The following SAMD4A variants were observed in gnomAD, a reference collection of about 807,000 sequenced individuals.
SAMD4A encodes the protein sterile alpha motif domain containing 4A.
Under a neutral mutation model 81.3 loss-of-function variants are expected in SAMD4A, and 33 were observed. The ratio of observed to expected loss-of-function variants is 0.41; its 90% CI spans 0.31 to 0.54. SAMD4A has a LOEUF of 0.54. Ranked by LOEUF, SAMD4A falls within the 20% of genes least tolerant of loss-of-function variation. SAMD4A has a pLI of 0.37. For missense variants in SAMD4A, 854 were observed against 951.1 expected (o/e 0.90, Z 1.34); for synonymous variants, 389 against 382.1 (o/e 1.02, Z -0.21).
intron 2 of SAMD4A, among the ~76,000 whole-genome samples, chr14:54,581,678 T>C (rs1384959850): frequency 6.6e-6 from 1 of 152,240 alleles, no homozygotes; most frequent in African/African-American, 2.4e-5. Flanking sequence ...GTATGAGTGG[T>C]CATGCAGCCA....
chr14:54,778,203 C>CA (rs1356374239), intron 11 of SAMD4A, among the ~76,000 whole-genome samples: 2 of 152,216 alleles, frequency 1.3e-5, no homozygotes, highest in African/African-American at 4.8e-5. Context: ...TCTCAGCCTT[C>CA]CTCTTTGTTC....
intron 2 of SAMD4A, among the ~76,000 whole-genome samples, chr14:54,691,752 C>T (rs367744592): frequency 1.3e-5 from 2 of 152,114 alleles, no homozygotes; most frequent in Admixed American, 6.5e-5. Context: ...GCTCCCTCTA[C>T]AGGGCTGTGC....
chr14:54,610,241 A>G (rs2034318292), intron 2 of SAMD4A, among the ~76,000 whole-genome samples: 1 of 152,184 alleles, frequency 6.6e-6, no homozygotes, highest in African/African-American at 2.4e-5. Flanking sequence ...TTAGAATGAA[A>G]CTAAAATGCG....
At chr14:54,619,764 G>C (rs530805152) in intron 2 of SAMD4A, among the ~76,000 whole-genome samples, 1 of 152,054 alleles carries the variant, frequency 6.6e-6, no homozygotes. Flanking sequence ...TCCTGCTTTC[G>C]TTTGCTAAGG....
chr14:54,740,550 C>T (rs2037820338), intron 4 of SAMD4A, among the ~76,000 whole-genome samples: 1 of 152,216 alleles, frequency 6.6e-6, no homozygotes, highest in Non-Finnish European at 1.5e-5. Flanking sequence ...GTGAATATCT[C>T]TCTGAAACAC....
intron 6 of SAMD4A, among the ~76,000 whole-genome samples, chr14:54,752,912 C>T (rs1190034768): frequency 6.6e-6 from 1 of 152,216 alleles, no homozygotes; most frequent in East Asian, 1.9e-4. Flanking sequence ...TATGACTGGA[C>T]GTACACGTAA....
intron 2 of SAMD4A, among the ~76,000 whole-genome samples, chr14:54,695,561 C>T (rs144088090): frequency 1.3e-5 from 2 of 152,350 alleles, no homozygotes; most frequent in East Asian, 3.9e-4. Flanking sequence ...CATAGACCAG[C>T]TCTCATTCAG....
At chr14:54,749,761 T>A (rs1339833795) in intron 5 of SAMD4A, among the ~76,000 whole-genome samples, 1 of 152,260 alleles carries the variant, frequency 6.6e-6, no homozygotes, top group African/African-American at 2.4e-5. Context: ...TGTTTCACAT[T>A]GGCCTCAGTT....
intron 2 of SAMD4A, among the ~76,000 whole-genome samples, chr14:54,618,837 T>C (rs1232098291): frequency 2.0e-5 from 3 of 152,214 alleles, no homozygotes; most frequent in African/African-American, 4.8e-5. Flanking sequence ...CTCAAAGATA[T>C]CTTGGGCAGG....
intron 4 of SAMD4A, among the ~76,000 whole-genome samples, chr14:54,740,523 C>T (rs2037819761): frequency 6.6e-6 from 1 of 152,230 alleles, no homozygotes; most frequent in African/African-American, 2.4e-5. Flanking sequence ...GTGAATTCCT[C>T]TTTATGGCCA....
intron 2 of SAMD4A, among the ~76,000 whole-genome samples, chr14:54,628,897 C>A (rs936630129): frequency 6.6e-6 from 1 of 152,004 alleles, no homozygotes; most frequent in African/African-American, 2.4e-5. Flanking sequence ...GTTCAAGGAA[C>A]CTTAACTGTA....
intron 3 of SAMD4A, among the ~76,000 whole-genome samples, chr14:54,733,683 T>A (rs2037616175): frequency 6.6e-6 from 1 of 152,216 alleles, no homozygotes; most frequent in Admixed American, 6.5e-5. Context: ...GAGGTCTGAA[T>A]GAACCGTTAG....
intron 3 of SAMD4A, among the ~76,000 whole-genome samples, chr14:54,736,540 G>C (rs1276992293): frequency 6.6e-6 from 1 of 152,210 alleles, no homozygotes; most frequent in East Asian, 1.9e-4. Flanking sequence ...GTTCAGCCCT[G>C]CAAAGATCCC....
chr14:54,767,139 G>A (rs761934577), intron 8 of SAMD4A, among the ~76,000 whole-genome samples: 1 of 152,148 alleles, frequency 6.6e-6, no homozygotes, highest in Admixed American at 6.5e-5. Flanking sequence ...TTTACTTTGA[G>A]AGAGAGGAAA....
intron 4 of SAMD4A, among the ~76,000 whole-genome samples, chr14:54,743,862 G>C (rs541297384): frequency 3.7e-4 from 56 of 152,316 alleles, no homozygotes; most frequent in Non-Finnish European, 5.6e-4. Flanking sequence ...TGGGCTGCTT[G>C]TTCTGCTCTG....
intron 2 of SAMD4A, among the ~76,000 whole-genome samples, chr14:54,657,460 T>C (rs931449586): frequency 6.6e-6 from 1 of 152,214 alleles, no homozygotes; most frequent in Non-Finnish European, 1.5e-5. Flanking sequence ...ATTTTTTTTG[T>C]TCATCGCCAG....
chr14:54,591,452 T>G (rs1053248719), intron 2 of SAMD4A, among the ~76,000 whole-genome samples: 1 of 152,138 alleles, frequency 6.6e-6, no homozygotes, highest in East Asian at 1.9e-4. Context: ...TTATTGGTAG[T>G]CATCAGAGCC....
At chr14:54,765,686 G>C (rs1452748075) in intron 8 of SAMD4A, among the ~76,000 whole-genome samples, 1 of 152,100 alleles carries the variant, frequency 6.6e-6, no homozygotes, top group Non-Finnish European at 1.5e-5. Flanking sequence ...TGGGCAGCCA[G>C]TACTCCAGGA....
At chr14:54,586,389 C>T (rs947071429) in intron 2 of SAMD4A, among the ~76,000 whole-genome samples, 3 of 152,164 alleles carry the variant, frequency 2.0e-5, no homozygotes, top group African/African-American at 7.2e-5. Context: ...TCTGTTTACT[C>T]TGCTGATTAT....
Sources: allele counts gnomAD v4.1 joint callset (sites outside exome capture counted in the v4.1 genomes callset), GRCh38; gene constraint gnomAD v4.1.1; transcripts MANE v1.5; gene names NCBI Gene and HGNC (gene_info 2026-07-23, HGNC 2026-07-21).